Variants in PLEKHA5 observed in about 807,000 individuals in gnomAD.
PLEKHA5 encodes the protein pleckstrin homology domain containing A5, also known as pleckstrin homology domain-containing family A member 5.
In PLEKHA5, 55 loss-of-function variants were observed where a neutral mutation model predicts 181.9. The ratio of observed to expected loss-of-function variants is 0.30; its 90% CI spans 0.24 to 0.38. PLEKHA5 has a LOEUF of 0.38. Among genes scored for constraint, PLEKHA5 ranks in the 10% least tolerant of loss-of-function variants. The pLI is 1.00. For synonymous variants in PLEKHA5, 535 were observed against 529.4 expected, an observed-to-expected ratio of 1.01 and a Z score of -0.15; for missense variants, 1,432 against 1,549.5, an observed-to-expected ratio of 0.92 and a Z score of 1.27.
intron 20 of PLEKHA5, 98 bp downstream of exon 20, chr12:19,322,765 C>G: frequency 1.4e-6 from 1 of 727,852 alleles, no homozygotes; most frequent in East Asian, 2.7e-5. Flanking sequence ...TAGGATTCTT[C>G]TATATTATTA....
chr12:19,253,692 C>T (rs965247407), intron 3 of PLEKHA5, among the ~76,000 whole-genome samples: 1 of 151,642 alleles, frequency 6.6e-6, no homozygotes, highest in African/African-American at 2.4e-5. Flanking sequence ...TGATGGTGGG[C>T]GCCTATAATC....
Position 19,267,110 on chromosome 12 carries a change from T to G in PLEKHA5, c.711+1260T>G, listed in dbSNP as rs1406945276. ...TTTTGGAGATTTTTGTTTTCAAAAA[T>G]CATTCTGCATTCTTTGCTTTATGAT... On this transcript the variant is annotated intron_variant, in intron 8 of 31. Coordinates refer to ENST00000429027, the MANE Select transcript of PLEKHA5 (RefSeq NM_001256470.2). 2.0e-5 allele frequency among the ~76,000 whole-genome samples: 3 copies of G among 152,178 alleles called. No individual in the cohort carries two copies. In the East Asian group the frequency reaches 5.8e-4, roughly 29 times the overall value.
At chr12:19,144,616 G>C (rs1007397646) in intron 3 of PLEKHA5, among the ~76,000 whole-genome samples, 2 of 152,158 alleles carry the variant, frequency 1.3e-5, no homozygotes, top group African/African-American at 2.4e-5. Flanking sequence ...AGCCAGAGAT[G>C]ATAAATAAGT....
chr12:19,276,927 A>G (rs991403048), intron 11 of PLEKHA5, among the ~76,000 whole-genome samples: 1 of 152,176 alleles, frequency 6.6e-6, no homozygotes, highest in Admixed American at 6.5e-5. Flanking sequence ...CAGATGCTCA[A>G]ATTTACCAGT....
intron 3 of PLEKHA5, among the ~76,000 whole-genome samples, chr12:19,165,602 A>T (rs2044165092): frequency 6.6e-6 from 1 of 152,116 alleles, no homozygotes; most frequent in Non-Finnish European, 1.5e-5. Context: ...TGACATTCAG[A>T]GGTGAGGTCT....
intron 11 of PLEKHA5, among the ~76,000 whole-genome samples, chr12:19,280,084 C>T (rs1318313993): frequency 9.1e-6 from 1 of 110,388 alleles, no homozygotes; most frequent in Non-Finnish European, 1.7e-5. Flanking sequence ...GGCCATCCCT[C>T]TGTTGGCCAG....
chr12:19,345,705 G>T (rs1325356580), intron 22 of PLEKHA5, 137 bp from the exon 23 acceptor site: 4 of 435,494 alleles, frequency 9.2e-6, no homozygotes, highest in Admixed American at 4.2e-5. Flanking sequence ...GGAGGTTGCA[G>T]TGAGCTGAGA....
intron 3 of PLEKHA5, among the ~76,000 whole-genome samples, chr12:19,222,510 G>A (rs1469297205): frequency 6.6e-6 from 1 of 152,078 alleles, no homozygotes; most frequent in African/African-American, 2.4e-5. Context: ...ATTATTGATT[G>A]AAATAGCAAC....
chr12:19,294,778 A>C (rs1046182440), intron 15 of PLEKHA5, among the ~76,000 whole-genome samples: 4 of 152,210 alleles, frequency 2.6e-5, no homozygotes, highest in Non-Finnish European at 5.9e-5. Context: ...AAAATAAAAT[A>C]GCCTTATCTG....
intron 21 of PLEKHA5, among the ~76,000 whole-genome samples, chr12:19,338,669 A>C (rs79737096): frequency 0.04 from 6,138 of 151,812 alleles, 138 homozygotes; most frequent in South Asian, 0.063. Flanking sequence ...AGTTTGTCTA[A>C]ATTTAAATGG....
At chr12:19,283,926 T>C (rs2076688678) in intron 12 of PLEKHA5, among the ~76,000 whole-genome samples, 181 bp downstream of exon 12, 1 of 152,194 alleles carries the variant, frequency 6.6e-6, no homozygotes, top group Non-Finnish European at 1.5e-5. Flanking sequence ...GTATAAAAAA[T>C]ACCTAATTGC....
intron 3 of PLEKHA5, among the ~76,000 whole-genome samples, chr12:19,212,822 GTTTTTTTTTGTTGT>G (rs2057199398): frequency 8.4e-6 from 1 of 118,630 alleles, no homozygotes; most frequent in South Asian, 3.2e-4. Context: ...ATGAGAGTGG[GTTTTTTTTTGTTGT>G]TTTTTTTTTT....
chr12:19,227,778 C>A (rs1407936800), intron 3 of PLEKHA5, among the ~76,000 whole-genome samples: 1 of 152,130 alleles, frequency 6.6e-6, no homozygotes, highest in African/African-American at 2.4e-5. Flanking sequence ...ATAGCAATGA[C>A]CGATCTCTGC....
intron 3 of PLEKHA5, among the ~76,000 whole-genome samples, chr12:19,247,735 C>A (rs572136180): frequency 6.6e-6 from 1 of 151,056 alleles, no homozygotes; most frequent in African/African-American, 2.4e-5. Flanking sequence ...TTATCAATTC[C>A]TTGGTATCTT....
chr12:19,344,049 CA>C (rs35734108), intron 22 of PLEKHA5, among the ~76,000 whole-genome samples: 36,305 of 120,828 alleles, frequency 0.3, 4,985 homozygotes, highest in African/African-American at 0.44. Context: ...GAAACTGTCC[CA>C]AAAAAAAAAA....
intron 12 of PLEKHA5, among the ~76,000 whole-genome samples, chr12:19,285,364 T>C (rs1241183823): frequency 6.6e-6 from 1 of 152,204 alleles, no homozygotes; most frequent in South Asian, 2.1e-4. Context: ...GATGAATCTA[T>C]ATTCTCTATC....
At chr12:19,206,355 T>C (rs561999749) in intron 3 of PLEKHA5, among the ~76,000 whole-genome samples, 38 of 152,274 alleles carry the variant, frequency 2.5e-4, no homozygotes, top group Admixed American at 1.2e-3. Context: ...GTATTTATAA[T>C]AGGTGAACTT....
chr12:19,282,845 A>T (rs1565562709), intron 11 of PLEKHA5, among the ~76,000 whole-genome samples: 1 of 152,198 alleles, frequency 6.6e-6, no homozygotes, highest in Non-Finnish European at 1.5e-5. Context: ...GAATTTCATT[A>T]AAAAGATTAA....
rs372130568 is a variant in PLEKHA5 at position 19,274,782 on chromosome 12, A to G, written c.1112A>G (p.His371Arg). ...TCAGCATGCCCTGCTCAGACTGTGC[A>G]CTACAGACCAATCAACTTGAGCAGT... is the stretch of plus-strand genomic sequence containing the variant. ...SGSACPAQTV[H>R]YRPINLSSSE... The change falls in exon 11 of 32, where the codon CAC becomes CGC. Residue 371 changes from histidine (H) to arginine (R), a missense_variant. By Grantham distance (29) the His-to-Arg change is conservative. Transcript: ENST00000429027. 5 of 1,614,098 alleles carry G rather than the reference A, an allele frequency of 3.1e-6. No individual in the cohort carries two copies. Among genetic ancestry groups the G allele is most frequent in the Non-Finnish European group, 4.2e-6 (5 of 1,180,040 alleles).
Sources: gnomAD v4.1 joint callset for allele counts (sites outside exome capture counted in the v4.1 genomes callset) on GRCh38, gnomAD v4.1.1 for gene constraint, MANE v1.5 for transcripts, NCBI Gene and HGNC (gene_info 2026-07-23, HGNC 2026-07-21) for gene names.